The following FAM135B variants were observed in gnomAD, a reference collection of about 807,000 sequenced individuals.
FAM135B encodes the protein family with sequence similarity 135 member B.
In FAM135B, 43 loss-of-function variants were observed where a neutral mutation model predicts 127.7. That is an observed-to-expected ratio of 0.34 (90% CI 0.26 to 0.43). FAM135B has a LOEUF of 0.43. FAM135B is among the 20% of genes least tolerant of loss of function. FAM135B has a pLI of 1.00. For synonymous variants in FAM135B, 670 were observed against 665.1 expected (o/e 1.01, Z -0.11); for missense variants, 1,558 against 1,725.6 (o/e 0.90, Z 1.72).
chr8:138,382,504 T>C (rs1273059627), intron 1 of FAM135B, among the ~76,000 whole-genome samples: 2 of 152,086 alleles, frequency 1.3e-5, no homozygotes, highest in African/African-American at 4.8e-5. Flanking sequence ...GGCAGCTCAG[T>C]GCACAGCAAA....
At chr8:138,444,782 G>T (rs1836014150) in intron 1 of FAM135B, among the ~76,000 whole-genome samples, 1 of 151,990 alleles carries the variant, frequency 6.6e-6, no homozygotes, top group African/African-American at 2.4e-5. Flanking sequence ...GCTAGCAGAA[G>T]GCAAGAAATA....
chr8:138,484,791 A>G (rs1814921793), intron 1 of FAM135B, among the ~76,000 whole-genome samples: 1 of 152,202 alleles, frequency 6.6e-6, no homozygotes, highest in Non-Finnish European at 1.5e-5. Flanking sequence ...TTCAGAAGCA[A>G]TTATATTAAT....
At chr8:138,298,929 C>T (rs946695081) in intron 3 of FAM135B, among the ~76,000 whole-genome samples, 6 of 151,788 alleles carry the variant, frequency 4.0e-5, no homozygotes, top group South Asian at 2.1e-4. Context: ...ATTTCAAAAA[C>T]GGTGCCTGTA....
chr8:138,374,582 C>T (rs533594275), intron 1 of FAM135B, among the ~76,000 whole-genome samples: 5 of 152,238 alleles, frequency 3.3e-5, no homozygotes, highest in South Asian at 4.2e-4. Flanking sequence ...TAAATGGTAA[C>T]ACCAGACAAC....
chr8:138,462,041 G>A (rs1056626198), intron 1 of FAM135B, among the ~76,000 whole-genome samples: 5 of 151,982 alleles, frequency 3.3e-5, no homozygotes, highest in Admixed American at 3.3e-4. Flanking sequence ...GATAGATGAT[G>A]ATAATAATGA....
intron 2 of FAM135B, among the ~76,000 whole-genome samples, chr8:138,336,096 C>T (rs1197640642): frequency 6.6e-6 from 1 of 152,000 alleles, no homozygotes; most frequent in African/African-American, 2.4e-5. Flanking sequence ...CTCTGGGACA[C>T]ATTCAAAGCA....
chr8:138,134,016 C>A (rs1563665892), intron 19 of FAM135B, among the ~76,000 whole-genome samples: 1 of 152,174 alleles, frequency 6.6e-6, no homozygotes, highest in Non-Finnish European at 1.5e-5. Context: ...ATGGTATGGT[C>A]ATTCCCAAGA....
At chr8:138,450,933 T>A (rs1416848683) in intron 1 of FAM135B, 1 of 152,212 alleles carries the variant, frequency 6.6e-6, no homozygotes, top group Non-Finnish European at 1.5e-5. Context: ...ACTATTATTA[T>A]CTCAACTGCA....
At chr8:138,147,861 CAT>C (rs1459661862) in intron 14 of FAM135B, among the ~76,000 whole-genome samples, 1 of 152,114 alleles carries the variant, frequency 6.6e-6, no homozygotes, top group Non-Finnish European at 1.5e-5. Context: ...ACTTTAGTGT[CAT>C]ATACATGAGA....
chr8:138,447,637 C>T (rs1028667423), intron 1 of FAM135B, among the ~76,000 whole-genome samples: 3 of 148,196 alleles, frequency 2.0e-5, no homozygotes, highest in Non-Finnish European at 4.5e-5. Flanking sequence ...GGGGACATGA[C>T]ACACCGGGGC....
intron 6 of FAM135B, among the ~76,000 whole-genome samples, chr8:138,246,672 C>G (rs1217579830): frequency 6.6e-6 from 1 of 152,178 alleles, no homozygotes; most frequent in Non-Finnish European, 1.5e-5. Flanking sequence ...AATATAGGGT[C>G]AGAACCCCCA....
chr8:138,190,202 G>A (rs1815982365), intron 9 of FAM135B, among the ~76,000 whole-genome samples: 4 of 152,092 alleles, frequency 2.6e-5, no homozygotes, highest in Admixed American at 2.6e-4. Context: ...CACCTGCAAT[G>A]GCCACATCCA....
chr8:138,254,722 G>A (rs1821946612), intron 5 of FAM135B, among the ~76,000 whole-genome samples: 1 of 152,148 alleles, frequency 6.6e-6, no homozygotes, highest in Admixed American at 6.5e-5. Flanking sequence ...AGAAAAGCAG[G>A]TGGCCAGAGG....
chr8:138,417,999 A>G (rs879624525), intron 1 of FAM135B, among the ~76,000 whole-genome samples: 2 of 152,174 alleles, frequency 1.3e-5, no homozygotes, highest in Non-Finnish European at 2.9e-5. Flanking sequence ...GATAATGATT[A>G]TCATCAAGTT....
At chr8:138,455,890 T>G (rs1395814036) in intron 1 of FAM135B, among the ~76,000 whole-genome samples, 6 of 151,382 alleles carry the variant, frequency 4.0e-5, no homozygotes, top group Non-Finnish European at 7.4e-5. Flanking sequence ...ATGGTGGTTA[T>G]GTGCACAAGT....
intron 1 of FAM135B, among the ~76,000 whole-genome samples, chr8:138,442,267 T>TGC (rs1554694336): frequency 1.2e-5 from 1 of 86,762 alleles, no homozygotes; most frequent in African/African-American, 4.5e-5. Flanking sequence ...TATATATATA[T>TGC]ATATATATAT....
chr8:138,327,196 G>A (rs1285632404), intron 2 of FAM135B, among the ~76,000 whole-genome samples: 1 of 152,160 alleles, frequency 6.6e-6, no homozygotes, highest in Non-Finnish European at 1.5e-5. Flanking sequence ...GAATATCAGA[G>A]TGAAAACAAA....
chr8:138,282,418 C>A (rs1309221997), intron 3 of FAM135B, among the ~76,000 whole-genome samples: 1 of 152,050 alleles, frequency 6.6e-6, no homozygotes, highest in Non-Finnish European at 1.5e-5. Context: ...AAAATGTTTA[C>A]AAAAGGCATA....
rs570283478 is a variant in FAM135B, at chr8:138,476,051, A to G, written c.-20+20620T>C. Reference sequence around the variant, plus strand: ...AGCACTGAAAAGAAATAAGCTATGGAGCCATGGAAAGACATGGAAGAAACT... The same window carrying G: ...AGCACTGAAAAGAAATAAGCTATGGGGCCATGGAAAGACATGGAAGAAACT... On this transcript the variant is annotated intron_variant, in intron 1 of 19. Transcript: ENST00000395297. 6.6e-5 allele frequency among the ~76,000 whole-genome samples: 10 copies of G among 152,308 alleles called. No individual in the cohort carries two copies. The East Asian group carries it at 1.7e-3, about 26-fold the overall frequency.
Sources: gnomAD v4.1 joint callset for allele counts (sites outside exome capture counted in the v4.1 genomes callset) on GRCh38, gnomAD v4.1.1 for gene constraint, MANE v1.5 for transcripts, NCBI Gene and HGNC (gene_info 2026-07-23, HGNC 2026-07-21) for gene names.